Variants in EIF3J observed in about 807,000 individuals in gnomAD.
The protein encoded by EIF3J is eukaryotic translation initiation factor 3 subunit J, also known as eukaryotic translation initiation factor 3, subunit 1 (alpha, 35kD).
In EIF3J, 15 loss-of-function variants were observed where a neutral mutation model predicts 39.0. The observed-to-expected ratio is 0.38, with a 90% CI of 0.26 to 0.59. The LOEUF is 0.59. EIF3J is among the 20% of genes least tolerant of loss of function. The probability of loss-of-function intolerance (pLI) is 0.60; values close to 1 mark genes in which losing one functional copy is unlikely to be tolerated. For missense variants in EIF3J, 226 were observed against 308.6 expected (o/e 0.73, Z 2.00); for synonymous variants, 98 against 112.9 (o/e 0.87, Z 0.84).
intron 6 of EIF3J, chr15:44,558,962 A>G (rs932598719): frequency 5.3e-5 from 8 of 152,122 alleles, no homozygotes; most frequent in Admixed American, 5.2e-4. Context: ...TTCCAGCTTC[A>G]TATTTTTATA....
At chr15:44,537,498 G>A (rs965607723) in intron 2 of EIF3J, 71 bp downstream of exon 2, 33 of 1,411,208 alleles carry the variant, frequency 2.3e-5, no homozygotes, top group Non-Finnish European at 2.6e-5. Context: ...TCTGGGCCCC[G>A]GGTCGCTGCC....
At chr15:44,560,881 GTAGGC>G in intron 7 of EIF3J, 132 bp from the exon 8 acceptor site, 2 of 1,221,098 alleles carry the variant, frequency 1.6e-6, no homozygotes, top group Admixed American at 2.7e-5. Context: ...TCCAAAACAT[GTAGGC>G]TCGGATGTCC....
chr15:44,538,176 G>T (rs968944752), intron 2 of EIF3J, among the ~76,000 whole-genome samples: 1 of 151,896 alleles, frequency 6.6e-6, no homozygotes, highest in South Asian at 2.1e-4. Flanking sequence ...GTTTTTTGTT[G>T]TTGTTGTTGT....
In EIF3J at chr15:44,561,156, A is replaced by G. The variant is rs774194600; in HGVS notation, c.*7A>G. On this transcript the variant is annotated 3_prime_UTR_variant, in exon 8 of 8. Transcript: ENST00000261868. The stretch of plus-strand genomic sequence containing the variant: ...CTATGAAGACTTCATGTGACATTTT[A>G]TCTTTTCTTGGTGTCATCTTTATGT... The G allele has an allele frequency of 6.2e-7, 1 of 1,607,782 alleles. No homozygotes were observed. The highest frequency in any genetic ancestry group is 1.1e-5 in the South Asian group (1 of 90,818).
At chr15:44,550,738 C>A in intron 2 of EIF3J, 138 bp from the exon 3 acceptor site, 1 of 602,166 alleles carries the variant, frequency 1.7e-6, no homozygotes, top group Non-Finnish European at 3.0e-6. Flanking sequence ...ATGTCAATTC[C>A]CCCTACATTA....
intron 6 of EIF3J, among the ~76,000 whole-genome samples, chr15:44,559,632 G>A (rs1449936448): frequency 2.0e-5 from 3 of 151,892 alleles, no homozygotes; most frequent in African/African-American, 4.8e-5. Flanking sequence ...GTGTGAACCC[G>A]GGAGGCGCAG....
At chr15:44,539,983 AGGCT>A (rs2081997352) in intron 2 of EIF3J, among the ~76,000 whole-genome samples, 1 of 144,510 alleles carries the variant, frequency 6.9e-6, no homozygotes, top group Non-Finnish European at 1.5e-5. Flanking sequence ...TCTGTCACCC[AGGCT>A]GGAGTGCCGT....
chr15:44,553,819 C>G lies in EIF3J; in HGVS notation c.295-734C>G, dbSNP rs1044646352. ...CTGGAAGTAGAATACTTGATTAAAG[C>G]ATGTAAAAATATTATTTAAGACTTG... On this transcript the variant is annotated intron_variant, in intron 4 of 7. Transcript: ENST00000261868. Among the ~76,000 whole-genome samples, 3 of 152,142 alleles carry G rather than the reference C, an allele frequency of 2.0e-5. No homozygotes were observed. The East Asian group carries it at 5.8e-4, about 29-fold the overall frequency.
chr15:44,558,234 T>G (rs1435937294), intron 6 of EIF3J, among the ~76,000 whole-genome samples: 1 of 152,154 alleles, frequency 6.6e-6, no homozygotes, highest in Non-Finnish European at 1.5e-5. Context: ...TTTTTTGTTG[T>G]TGTTGTTTTT....
At chr15:44,560,004 G>T (rs2082178474) in intron 6 of EIF3J, among the ~76,000 whole-genome samples, 1 of 152,114 alleles carries the variant, frequency 6.6e-6, no homozygotes, top group Non-Finnish European at 1.5e-5. Flanking sequence ...ACCCACCTAG[G>T]CCTCCCAAAA....
Position 44,551,514 on chromosome 15 carries a change from A to T in EIF3J, c.286A>T (p.Lys96Ter). The change falls in exon 4 of 8, where the codon AAA becomes TAA. Residue 96 changes from lysine (K) to a stop codon, truncating the protein, a stop_gained. Transcript: ENST00000261868. LOFTEE classifies it high-confidence loss of function. ...ACAGAAGAAAAGGCAAGAAGAAATT[A>T]AAAAGAGGGTAAATTCTGTTTTCTA... ...RQQKKRQEEI[K>*]KRLEEPEEPK... 1 of 1,588,100 alleles carries T rather than the reference A, an allele frequency of 6.3e-7. No individual in the cohort carries two copies. Among genetic ancestry groups the T allele is most frequent in the Non-Finnish European group, 8.6e-7 (1 of 1,168,684 alleles).
intron 7 of EIF3J, among the ~76,000 whole-genome samples, chr15:44,560,756 A>T (rs1488425698): frequency 6.6e-6 from 1 of 152,172 alleles, no homozygotes. Flanking sequence ...GCTTCAGTGA[A>T]GTTAAGGCTG....
chr15:44,550,723 A>G (rs1179307969), intron 2 of EIF3J, 153 bp from the exon 3 acceptor site: 2 of 568,246 alleles, frequency 3.5e-6, no homozygotes, highest in East Asian at 2.9e-5. Flanking sequence ...GCTCAGCATT[A>G]TAAGATGTCA....
At chr15:44,541,108 C>T (rs751724053) in intron 2 of EIF3J, among the ~76,000 whole-genome samples, 1 of 152,154 alleles carries the variant, frequency 6.6e-6, no homozygotes, top group Non-Finnish European at 1.5e-5. Flanking sequence ...AGCATAGTTT[C>T]CCATCACCCT....
intron 6 of EIF3J, 27 bp from the exon 7 acceptor site, chr15:44,560,222 T>G (rs1031793777): frequency 1.3e-5 from 21 of 1,588,418 alleles, no homozygotes; most frequent in Non-Finnish European, 1.6e-5. Flanking sequence ...AAATTCAAGT[T>G]TAATGGTATG....
intron 2 of EIF3J, among the ~76,000 whole-genome samples, chr15:44,550,336 G>A (rs549367848): frequency 1.3e-5 from 2 of 152,254 alleles, no homozygotes; most frequent in East Asian, 3.9e-4. Flanking sequence ...GAGTTGCCTA[G>A]GATAGAGTGC....
intron 2 of EIF3J, among the ~76,000 whole-genome samples, chr15:44,547,011 C>T (rs1020266331): frequency 1.3e-5 from 2 of 151,622 alleles, no homozygotes; most frequent in African/African-American, 2.4e-5. Context: ...TTAGTATAAA[C>T]GGGGTTTCAT....
At chr15:44,540,267 AT>A (rs71111863) in intron 2 of EIF3J, among the ~76,000 whole-genome samples, 1,253 of 61,170 alleles carry the variant, frequency 0.02, 4 homozygotes, top group Non-Finnish European at 0.025. Flanking sequence ...ATATATATAT[AT>A]TTTTTTTTTT....
chr15:44,540,463 A>C (rs1301412080), intron 2 of EIF3J, among the ~76,000 whole-genome samples: 1 of 139,206 alleles, frequency 7.2e-6, no homozygotes, highest in East Asian at 2.1e-4. Context: ...GTAGAGGTGG[A>C]GTTTCGCCAA....
Sources: gnomAD v4.1 joint callset for allele counts (sites outside exome capture counted in the v4.1 genomes callset) on GRCh38, gnomAD v4.1.1 for gene constraint, MANE v1.5 for transcripts, NCBI Gene and HGNC (gene_info 2026-07-23, HGNC 2026-07-21) for gene names.